Variants in KRABD4 observed in about 807,000 individuals in gnomAD.
KRABD4 encodes the protein KRAB domain-containing protein 4.
the KRABD4 span, among the ~76,000 whole-genome samples, chrX:46,451,050 C>T: frequency 8.9e-6 from 1 of 111,918 alleles, no homozygotes; most frequent in Non-Finnish European, 1.9e-5. Context: ...TTCCTTCTCA[C>T]AGAAGATTGT....
At chrX:46,471,249 G>T in the KRABD4 span, 1 of 1,027,516 alleles carries the variant, frequency 9.7e-7, no homozygotes, top group Non-Finnish European at 1.3e-6. Context: ...ATTTTGTAAT[G>T]TCCCTCTTTG....
the KRABD4 span, among the ~76,000 whole-genome samples, chrX:46,452,811 T>C: frequency 9.8e-5 from 11 of 112,248 alleles, no homozygotes; most frequent in Non-Finnish European, 1.9e-4. Context: ...CTGATTTGCA[T>C]GGCTGGCAAC....
chrX:46,463,354 T>G, the KRABD4 span: 1 of 1,106,148 alleles, frequency 9.0e-7, no homozygotes, highest in Non-Finnish European at 1.2e-6. Context: ...GGTGAGAGCT[T>G]GGCCTCTGGG....
At chrX:46,455,307 A>G in the KRABD4 span, 1 of 658,517 alleles carries the variant, frequency 1.5e-6, no homozygotes, top group African/African-American at 2.2e-5. Context: ...AATAAAAATC[A>G]TCCTTTCTGC....
the KRABD4 span, chrX:46,455,259 C>A: frequency 2.9e-3 from 2,710 of 948,474 alleles, 32 homozygotes; most frequent in South Asian, 0.039. Context: ...ATTCTTCATG[C>A]TCGTGCTTCT....
the KRABD4 span, among the ~76,000 whole-genome samples, chrX:46,460,655 T>A: frequency 2.2e-4 from 20 of 91,969 alleles, no homozygotes; most frequent in Non-Finnish European, 3.4e-4. Context: ...AAGGTCTTGC[T>A]CTGTCCCCCA....
At chrX:46,450,562 A>C in the KRABD4 span, 1 of 846,533 alleles carries the variant, frequency 1.2e-6, no homozygotes, top group Non-Finnish European at 1.7e-6. Flanking sequence ...AATACCAATT[A>C]TCCCCTCTTC....
the KRABD4 span, among the ~76,000 whole-genome samples, chrX:46,458,009 T>C: frequency 2.7e-5 from 3 of 111,809 alleles, no homozygotes; most frequent in Non-Finnish European, 5.6e-5. Flanking sequence ...CTCAAAGTGC[T>C]GGGATTACAG....
chrX:46,470,090 C>T, the KRABD4 span, among the ~76,000 whole-genome samples: 1 of 110,965 alleles, frequency 9.0e-6, no homozygotes, highest in African/African-American at 3.3e-5. Context: ...TTTACTTCAC[C>T]ATTCTTCTCT....
the KRABD4 span, among the ~76,000 whole-genome samples, chrX:46,468,628 A>AAC: frequency 9.0e-6 from 1 of 111,578 alleles, no homozygotes; most frequent in African/African-American, 3.3e-5. Context: ...TTAAGAATTT[A>AAC]ATATATATAA....
chrX:46,452,552 G>A, the KRABD4 span, among the ~76,000 whole-genome samples: 1 of 111,178 alleles, frequency 9.0e-6, no homozygotes, highest in African/African-American at 3.3e-5. Flanking sequence ...GGCCTACCCC[G>A]CTTACAAAAA....
the KRABD4 span, among the ~76,000 whole-genome samples, chrX:46,461,394 G>A: frequency 3.6e-5 from 4 of 111,374 alleles, no homozygotes; most frequent in South Asian, 1.5e-3. Flanking sequence ...TATCACGAGG[G>A]AGGGGCAGAT....
the KRABD4 span, among the ~76,000 whole-genome samples, chrX:46,447,614 T>G: frequency 6.6e-5 from 1 of 15,072 alleles, no homozygotes; most frequent in Non-Finnish European, 1.2e-4. Flanking sequence ...AGCGAGTGAC[T>G]GATTGAGTCA....
At chrX:46,473,180 A>G in the KRABD4 span, 2 of 1,182,938 alleles carry the variant, frequency 1.7e-6, no homozygotes, top group Non-Finnish European at 2.3e-6. Flanking sequence ...AAATGTACTG[A>G]ATGTGGAAAA....
the KRABD4 span, among the ~76,000 whole-genome samples, chrX:46,466,825 G>A: frequency 8.9e-6 from 1 of 111,959 alleles, no homozygotes; most frequent in African/African-American, 3.2e-5. Context: ...GTATAGTTTT[G>A]ACAAATATAT....
the KRABD4 span, chrX:46,450,609 G>C: frequency 1.9e-6 from 1 of 514,213 alleles, no homozygotes; most frequent in Non-Finnish European, 3.2e-6. Flanking sequence ...CTCAACCTCT[G>C]GTTTCTCTGA....
chrX:46,449,749 G>A, the KRABD4 span, among the ~76,000 whole-genome samples: 1 of 112,001 alleles, frequency 8.9e-6, no homozygotes, highest in Non-Finnish European at 1.9e-5. Flanking sequence ...TGGATATTTA[G>A]TTGCTTCCAA....
chrX:46,453,299 C>T, the KRABD4 span, among the ~76,000 whole-genome samples: 9 of 111,752 alleles, frequency 8.1e-5, no homozygotes, highest in Non-Finnish European at 1.9e-5. Flanking sequence ...ACGGTGGCAC[C>T]GTTGAGTCTC....
At chrX:46,463,565 G>A in the KRABD4 span, 1 of 427,153 alleles carries the variant, frequency 2.3e-6, no homozygotes, top group African/African-American at 2.4e-5. Flanking sequence ...GCTTGTTAGT[G>A]AGAAGTGCCA....
Sources: allele counts gnomAD v4.1 joint callset (sites outside exome capture counted in the v4.1 genomes callset), GRCh38; gene constraint gnomAD v4.1.1; transcripts MANE v1.5; gene names NCBI Gene and HGNC (gene_info 2026-07-23, HGNC 2026-07-21).